HECW2: variants seen among roughly 807,000 people sequenced by gnomAD.
HECW2 encodes the protein HECT, C2 and WW domain containing E3 ubiquitin protein ligase 2, also known as E3 ubiquitin-protein ligase HECW2.
In HECW2, 61 loss-of-function variants were observed where a neutral mutation model predicts 175.2. The ratio of observed to expected loss-of-function variants is 0.35; its 90% CI spans 0.28 to 0.43. HECW2 has a LOEUF of 0.43. Ranked by LOEUF, HECW2 falls within the 20% of genes least tolerant of loss-of-function variation. The probability of loss-of-function intolerance (pLI) is 1.00; values close to 1 mark genes in which losing one functional copy is unlikely to be tolerated. For synonymous variants in HECW2, 671 were observed against 731.0 expected, an observed-to-expected ratio of 0.92 and a Z score of 1.32; for missense variants, 1,524 against 2,000.5, an observed-to-expected ratio of 0.76 and a Z score of 4.54.
At chr2:196,204,635 G>T (rs991526000) in intron 28 of HECW2, among the ~76,000 whole-genome samples, 1 of 152,218 alleles carries the variant, frequency 6.6e-6, no homozygotes, top group East Asian at 1.9e-4. Flanking sequence ...GCTGTGCCTG[G>T]ATGCCTGCTC....
intron 24 of HECW2, 77 bp downstream of exon 24, chr2:196,222,134 A>G: frequency 7.6e-7 from 1 of 1,313,764 alleles, no homozygotes; most frequent in Non-Finnish European, 1.1e-6. Context: ...ATCTGATCTT[A>G]GCCATGGAGT....
intron 1 of HECW2, among the ~76,000 whole-genome samples, chr2:196,474,941 G>A (rs959719039): frequency 2.0e-5 from 3 of 152,060 alleles, no homozygotes; most frequent in Admixed American, 6.6e-5. Flanking sequence ...ATCATCACAC[G>A]CCCGCACCTG....
At chr2:196,366,525 T>C (rs558538479) in intron 2 of HECW2, among the ~76,000 whole-genome samples, 97 of 152,320 alleles carry the variant, frequency 6.4e-4, no homozygotes, top group African/African-American at 2.2e-3. Context: ...CTGAAAGCTA[T>C]ACACAAATCA....
At chr2:196,413,046 T>C (rs1040728620) in intron 2 of HECW2, among the ~76,000 whole-genome samples, 8 of 152,132 alleles carry the variant, frequency 5.3e-5, no homozygotes, top group Admixed American at 5.2e-4. Context: ...AAGAATTATA[T>C]GAAATATGAA....
chr2:196,457,723 A>G (rs554858998), intron 1 of HECW2, among the ~76,000 whole-genome samples: 1 of 152,166 alleles, frequency 6.6e-6, no homozygotes, highest in African/African-American at 2.4e-5. Context: ...AGCTCTACAA[A>G]TTTTGTAAGT....
At chr2:196,244,526 G>A (rs995463878) in intron 19 of HECW2, among the ~76,000 whole-genome samples, 16 of 152,122 alleles carry the variant, frequency 1.1e-4, no homozygotes, top group African/African-American at 3.9e-4. Context: ...TCACCACTTT[G>A]CGGCAGCCAC....
chr2:196,416,290 T>C (rs758991078), intron 2 of HECW2, among the ~76,000 whole-genome samples: 4 of 152,190 alleles, frequency 2.6e-5, no homozygotes, highest in Non-Finnish European at 5.9e-5. Flanking sequence ...CACTCAGCCC[T>C]GTGGATTTAA....
intron 1 of HECW2, among the ~76,000 whole-genome samples, chr2:196,560,609 T>C (rs983286623): frequency 1.3e-5 from 2 of 152,214 alleles, no homozygotes; most frequent in Admixed American, 6.5e-5. Flanking sequence ...ACAGAAATAA[T>C]TGATACAATG....
At chr2:196,442,999 C>T (rs565428133) in intron 1 of HECW2, among the ~76,000 whole-genome samples, 2 of 152,184 alleles carry the variant, frequency 1.3e-5, no homozygotes, top group African/African-American at 4.8e-5. Flanking sequence ...AGGTAGCCCA[C>T]AGAATCAAAA....
chr2:196,558,048 T>A (rs1273508426), intron 1 of HECW2, among the ~76,000 whole-genome samples: 2 of 152,216 alleles, frequency 1.3e-5, no homozygotes, highest in Non-Finnish European at 2.9e-5. Context: ...ATACTAATCC[T>A]ATGGAATAGG....
At chr2:196,203,619 A>G (rs773606700) in intron 28 of HECW2, among the ~76,000 whole-genome samples, 1 of 152,128 alleles carries the variant, frequency 6.6e-6, no homozygotes, top group Non-Finnish European at 1.5e-5. Context: ...TCTTTCCCCC[A>G]TGTCCTCTTG....
intron 1 of HECW2, among the ~76,000 whole-genome samples, chr2:196,587,700 C>A (rs1019189004): frequency 6.6e-6 from 1 of 152,072 alleles, no homozygotes; most frequent in Non-Finnish European, 1.5e-5. Flanking sequence ...TGAAGTGGAC[C>A]ATTAACAAAA....
At position 196,318,621 on chromosome 2, in the gene HECW2, C is replaced by T; in HGVS notation, c.2269G>A (p.Glu757Lys). 6.3e-7 allele frequency: 1 copy of T among 1,587,366 alleles called. No individual in the cohort carries two copies. Among genetic ancestry groups the T allele is most frequent in the South Asian group, 1.2e-5 (1 of 86,318 alleles). Residue 757 changes from glutamate (E) to lysine (K), a missense_variant, in exon 9 of 29, where the codon GAA becomes AAA. Physicochemically the swap from Glu to Lys is moderately conservative, Grantham distance 56. Around this residue, in one of 11 missense-constraint regions of HECW2, gnomAD observed 604 missense variants for 588.3 expected, o/e 1.03. Transcript: ENST00000644978. ...AAAAESPPQE[E>K]GSAGEAQGTC... The stretch of plus-strand genomic sequence containing the variant: ...CCTTGGGCCTCCCCAGCACTGCCTT[C>T]TTCTTGCGGTGGGCTCTCGGCAGCA...
chr2:196,354,444 G>A (rs1458822601), intron 2 of HECW2, among the ~76,000 whole-genome samples: 1 of 152,226 alleles, frequency 6.6e-6, no homozygotes, highest in Non-Finnish European at 1.5e-5. Flanking sequence ...CAGTGGCCCT[G>A]GGTTCCACAC....
intron 3 of HECW2, among the ~76,000 whole-genome samples, chr2:196,336,026 CAG>C (rs1692538144): frequency 6.6e-6 from 1 of 152,088 alleles, no homozygotes; most frequent in Admixed American, 6.6e-5. Context: ...ATGGTGGAGT[CAG>C]AAAGGTGTCA....
chr2:196,525,330 G>T, intron 1 of HECW2, among the ~76,000 whole-genome samples: 1 of 103,110 alleles, frequency 9.7e-6, no homozygotes, highest in Non-Finnish European at 1.9e-5. Context: ...CATTTGCTTG[G>T]TAGATCTTCC....
At chr2:196,342,176 G>A (rs1247789961) in intron 3 of HECW2, among the ~76,000 whole-genome samples, 2 of 151,800 alleles carry the variant, frequency 1.3e-5, no homozygotes, top group African/African-American at 2.4e-5. Flanking sequence ...AGGCTGAGGC[G>A]GGCGGATCAC....
At chr2:196,240,593 A>G in intron 20 of HECW2, 31 bp from the exon 21 acceptor site, 1 of 1,537,560 alleles carries the variant, frequency 6.5e-7, no homozygotes. Context: ...TAGAAAATAC[A>G]AATTATTACT....
chr2:196,503,498 G>A (rs1157759073), intron 1 of HECW2, among the ~76,000 whole-genome samples: 2 of 152,148 alleles, frequency 1.3e-5, no homozygotes, highest in East Asian at 3.9e-4. Context: ...AAAAGAACTA[G>A]GGACAAGGGA....
Sources: gnomAD v4.1 joint callset for allele counts (sites outside exome capture counted in the v4.1 genomes callset) on GRCh38, gnomAD v4.1.1 for gene constraint, gnomAD v4.1.1 regional missense constraint, MANE v1.5 for transcripts, NCBI Gene and HGNC (gene_info 2026-07-23, HGNC 2026-07-21) for gene names.